The following FGD3 variants were observed in gnomAD, a reference collection of about 807,000 sequenced individuals.
FGD3 encodes FYVE, RhoGEF and PH domain-containing protein 3.
A neutral mutation model predicts 71.8 loss-of-function variants in FGD3; 45 were observed. The ratio of observed to expected loss-of-function variants is 0.63; its 90% CI spans 0.49 to 0.80. The LOEUF (loss-of-function observed/expected upper bound fraction) is 0.80, where lower values mean the gene tolerates loss of function less well. Ranked by LOEUF, FGD3 falls within the 30% of genes least tolerant of loss-of-function variation. The pLI, the probability that FGD3 is intolerant of heterozygous loss-of-function variation, is 0.00. For synonymous variants in FGD3, 378 were observed against 392.8 expected (o/e 0.96, Z 0.44); for missense variants, 844 against 951.5 (o/e 0.89, Z 1.49).
intron 15 of FGD3, 99 bp downstream of exon 15, chr9:93,030,095 C>T (rs1358830567): frequency 7.0e-7 from 1 of 1,434,776 alleles, no homozygotes; most frequent in African/African-American, 1.4e-5. Flanking sequence ...GCCATGCACA[C>T]CAGCCCTGCA....
intron 3 of FGD3, among the ~76,000 whole-genome samples, chr9:92,990,039 G>A (rs1209406258): frequency 1.1e-4 from 17 of 151,244 alleles, no homozygotes; most frequent in Admixed American, 8.6e-4. Context: ...TTTGTGTATA[G>A]AAACACTACT....
chr9:93,032,663 C>A lies in FGD3; in HGVS notation c.1681-106C>A. 3 of 980,104 alleles carry A rather than the reference C, an allele frequency of 3.1e-6. No homozygotes were observed. In the South Asian group the frequency reaches 4.3e-5, roughly 14 times the overall value. The allele number at this position is 980,104 out of a possible 1,614,324, so 60.7% of individuals were successfully genotyped here. A position where few individuals can be genotyped will look rare whatever the true frequency, so the allele number is the denominator to read the frequency against. ...CGCCACACGCCACACTGTGTTAAGT[C>A]TCCTCCCGCCCACTCCACCTCCCGC... is the stretch of plus-strand genomic sequence containing the variant. On this transcript the variant is annotated intron_variant, in intron 15 of 17. Coordinates refer to ENST00000375482, the MANE Select transcript of FGD3 (RefSeq NM_001083536.2).
At chr9:93,021,398 T>G (rs1300026365) in intron 13 of FGD3, among the ~76,000 whole-genome samples, 1 of 152,020 alleles carries the variant, frequency 6.6e-6, no homozygotes, top group Non-Finnish European at 1.5e-5. Context: ...CCCGGCCATT[T>G]CTCCTCCCGG....
intron 8 of FGD3, among the ~76,000 whole-genome samples, 196 bp from the exon 9 acceptor site, chr9:93,013,656 A>G (rs1861534483): frequency 6.6e-6 from 1 of 152,170 alleles, no homozygotes; most frequent in African/African-American, 2.4e-5. Flanking sequence ...CGTTGTTTTT[A>G]TGCTCTGCAT....
intron 1 of FGD3, among the ~76,000 whole-genome samples, chr9:92,953,835 T>C (rs923241733): frequency 6.6e-6 from 1 of 152,222 alleles, no homozygotes; most frequent in Non-Finnish European, 1.5e-5. Context: ...ACACTCAGTA[T>C]CCCTTCTTTT....
chr9:92,971,744 G>A (rs890051941), intron 1 of FGD3, among the ~76,000 whole-genome samples: 14 of 151,482 alleles, frequency 9.2e-5, no homozygotes, highest in African/African-American at 3.2e-4. Context: ...CCTGGCTAGG[G>A]TGGGATTTTT....
chr9:92,983,252 G>A (rs1860063223), intron 3 of FGD3, among the ~76,000 whole-genome samples: 1 of 152,026 alleles, frequency 6.6e-6, no homozygotes. Flanking sequence ...GTTGGGCATG[G>A]TGGCTCACTC....
intron 3 of FGD3, among the ~76,000 whole-genome samples, 182 bp downstream of exon 3, chr9:92,976,891 A>G (rs933342264): frequency 2.6e-5 from 4 of 152,068 alleles, no homozygotes; most frequent in African/African-American, 9.7e-5. Context: ...GGAAAAATCC[A>G]TGCAGGCCAG....
chr9:93,010,955 C>A (rs1587852630), intron 7 of FGD3, among the ~76,000 whole-genome samples: 1 of 151,440 alleles, frequency 6.6e-6, no homozygotes, highest in African/African-American at 2.4e-5. Context: ...GTGTGGCTGG[C>A]AGGCAGCCCG....
At chr9:92,951,520 A>G (rs555423646) in intron 1 of FGD3, among the ~76,000 whole-genome samples, 1 of 152,214 alleles carries the variant, frequency 6.6e-6, no homozygotes, top group East Asian at 1.9e-4. Context: ...TGCAAAAAAT[A>G]CACAAATAAG....
At position 92,969,676 on chromosome 9, in the gene FGD3, C is replaced by T. The variant is rs1256103069; in HGVS notation, c.-217-5562C>T. 3.9e-5 allele frequency among the ~76,000 whole-genome samples: 6 copies of T among 152,074 alleles called. No individual in the cohort carries two copies. Among genetic ancestry groups the T allele is most frequent in the African/African-American group, 1.4e-4 (6 of 41,398 alleles). On this transcript the variant is annotated intron_variant, in intron 1 of 17. Coordinates refer to ENST00000375482, the MANE Select transcript of FGD3 (RefSeq NM_001083536.2). This position sits in a 1 kb window ranked among gnomAD's most constrained non-coding sequence, Gnocchi z 4.5. ...TGGGTTTCTTTCAGATGGGGGGGGA[C>T]TCCCGCACGGCCTCCCGGGAAGGGA...
intron 1 of FGD3, among the ~76,000 whole-genome samples, chr9:92,960,010 G>A (rs555283474): frequency 5.3e-5 from 8 of 151,504 alleles, no homozygotes; most frequent in Non-Finnish European, 7.4e-5. Flanking sequence ...TATCCCTCAC[G>A]TCCCCGAGTC....
intron 10 of FGD3, among the ~76,000 whole-genome samples, chr9:93,017,154 G>A (rs1861734786): frequency 6.6e-6 from 1 of 152,124 alleles, no homozygotes; most frequent in South Asian, 2.1e-4. Flanking sequence ...TCTATTCCCA[G>A]CTACTTGGGA....
In FGD3 at chr9:92,969,615, C is replaced by T. The variant is rs79525343; in HGVS notation, c.-217-5623C>T. 2.0e-3 allele frequency among the ~76,000 whole-genome samples: 311 copies of T among 152,304 alleles called. 2 individuals carry two copies. Among genetic ancestry groups the T allele is most frequent in the Non-Finnish European group, 3.4e-3 (228 of 68,030 alleles). ...ACAGGACAAGGGAGGTCCCTGCCTA[C>T]TAGGTTCCAGGCAGCACAGTGGACA... On this transcript the variant is annotated intron_variant, in intron 1 of 17. Transcript: ENST00000375482. This position sits in a 1 kb window ranked among gnomAD's most constrained non-coding sequence, Gnocchi z 4.5.
chr9:93,018,090 A>G (rs764491157), intron 10 of FGD3, 46 bp from the exon 11 acceptor site: 1 of 1,578,036 alleles, frequency 6.3e-7, no homozygotes. Flanking sequence ...CTGGAGCTAA[A>G]ATGACCAGCT....
intron 6 of FGD3, among the ~76,000 whole-genome samples, chr9:93,007,648 G>C (rs1861120735): frequency 6.6e-6 from 1 of 152,136 alleles, no homozygotes; most frequent in Non-Finnish European, 1.5e-5. Flanking sequence ...GGGGACACTC[G>C]AGGCAGACAC....
rs1862568186 is a variant in FGD3, at chr9:93,035,564, T to C, written c.2153T>C (p.Val718Ala). 1 of 1,599,246 alleles carries C rather than the reference T, an allele frequency of 6.3e-7. No individual in the cohort carries two copies. The highest frequency in any genetic ancestry group is 8.5e-7 in the Non-Finnish European group (1 of 1,175,454). Residue 718 changes from valine to alanine, a missense_variant, in exon 18 of 18, where the codon GTC becomes GCC. Physicochemically the swap from Val to Ala is moderately conservative, Grantham distance 64. Transcript: ENST00000375482. ...AGCCCGGGGGCCCTGCAGCTTCAGG[T>C]CCCTATGGGCGCAGCTGCTCCGTGA... ...QDSPGALQLQ[V>A]PMGAAAP
In FGD3 at chr9:93,022,334, G is replaced by A. The variant is rs375653384; in HGVS notation, c.1502G>A (p.Ser501Asn). The A allele has an allele frequency of 6.2e-7, 1 of 1,611,750 alleles. No individual in the cohort carries two copies. Reference sequence around the variant, plus strand: ...CCTCTGTGTCCCTTCTAGATCACGAGCACCAGCCCTGTGGAGCCTGTGGTG... The same window carrying A: ...CCTCTGTGTCCCTTCTAGATCACGAACACCAGCCCTGTGGAGCCTGTGGTG... ...PSLSPDMPITSTSPVEPVVTT... is the reference protein window; with the variant it reads ...PSLSPDMPITNTSPVEPVVTT... The change falls in exon 14 of 18, where the codon AGC becomes AAC. Residue 501 changes from serine (S) to asparagine (N), a missense_variant. Coordinates refer to ENST00000375482, the MANE Select transcript of FGD3 (RefSeq NM_001083536.2).
rs770049768 is a variant in FGD3, at chr9:93,013,985, G to A, written c.1169G>A (p.Arg390His). Residue 390 changes from arginine (R) to histidine (H), a missense_variant, in exon 9 of 18, where the codon CGC (arginine) becomes CAC (histidine). Physicochemically the swap from Arg to His is conservative, Grantham distance 29. Coordinates refer to ENST00000375482, the MANE Select transcript of FGD3 (RefSeq NM_001083536.2). The stretch of plus-strand genomic sequence containing the variant: ...GCCAAGAACGGCACCCCCCAGGACC[G>A]CCACCTCTTCCTGGTGAGCCTGGCC... Reference protein sequence around the residue: ...LSAKNGTPQDRHLFLFNSMIL... With the variant: ...LSAKNGTPQDHHLFLFNSMIL... 2.5e-6 allele frequency: 4 copies of A among 1,606,126 alleles called. No individual in the cohort carries two copies. Among genetic ancestry groups the A allele is most frequent in the East Asian group, 2.3e-5 (1 of 44,342 alleles).
Sources: gnomAD v4.1 joint callset for allele counts (sites outside exome capture counted in the v4.1 genomes callset) on GRCh38, gnomAD v4.1.1 for gene constraint, Gnocchi (gnomAD v3.1) non-coding constraint, MANE v1.5 for transcripts, NCBI Gene and HGNC (gene_info 2026-07-23, HGNC 2026-07-21) for gene names.